Variants in C18orf32 observed in about 807,000 individuals in gnomAD.
The protein encoded by C18orf32 is chromosome 18 open reading frame 32.
A neutral mutation model predicts 7.4 loss-of-function variants in C18orf32; 5 were observed. The observed-to-expected ratio is 0.68, with a 90% CI of 0.35 to 1.42. The LOEUF is 1.42. C18orf32 is among the 40% of genes most tolerant of loss of function. The pLI, the probability that C18orf32 is intolerant of heterozygous loss-of-function variation, is 0.04. For synonymous variants in C18orf32, 30 were observed against 29.3 expected, an observed-to-expected ratio of 1.02 and a Z score of -0.08; for missense variants, 88 against 92.4, an observed-to-expected ratio of 0.95 and a Z score of 0.19.
intron 1 of C18orf32, among the ~76,000 whole-genome samples, chr18:49,484,080 G>A (rs2083701511): frequency 6.8e-6 from 1 of 147,876 alleles, no homozygotes. Context: ...AGTGAGCCGT[G>A]TTCATGCCAC....
rs1304319698 is a variant in C18orf32, at chr18:49,479,561, C to T, written c.*2784G>A. The stretch of plus-strand genomic sequence containing the variant: ...CCAGAGCCAGTAACAGAAATACCAC[C>T]ACCCCTGGGCCCAAAAGGGCAGGGT... On this transcript the variant is annotated 3_prime_UTR_variant, in exon 3 of 3. Coordinates refer to ENST00000318240, the MANE Select transcript of C18orf32 (RefSeq NM_001035005.4). 1 of 152,416 alleles carries T rather than the reference C, an allele frequency of 6.6e-6. No individual in the cohort carries two copies. The highest frequency in any genetic ancestry group is 1.5e-5 in the Non-Finnish European group (1 of 68,210). The allele number at this position is 152,416 out of a possible 1,614,324, so 9.4% of individuals were successfully genotyped here.
intron 1 of C18orf32, chr18:49,484,608 G>A (rs1482372982): frequency 6.6e-6 from 1 of 151,828 alleles, no homozygotes; most frequent in African/African-American, 2.4e-5. Flanking sequence ...AATAATAGGT[G>A]GTAGGCATGA....
chr18:49,483,432 T>C, intron 2 of C18orf32, 152 bp downstream of exon 2: 1 of 998,346 alleles, frequency 1.0e-6, no homozygotes, highest in Non-Finnish European at 1.5e-6. Flanking sequence ...AATGCATTAA[T>C]CAGAGGCCTA....
rs1345172526 is a variant in C18orf32, at chr18:49,479,096, G to C, written c.*3249C>G. The C allele has an allele frequency of 6.6e-6, 1 of 152,154 alleles. No homozygotes were observed. Among genetic ancestry groups the C allele is most frequent in the African/African-American group, 2.4e-5 (1 of 41,428 alleles). The allele number at this position is 152,154 out of a possible 1,614,324, so 9.4% of individuals were successfully genotyped here. ...TGGGAACCAGTGTTCTAGAGAGGGA[G>C]ACTTGTTAGAAATGAGAAAGGCCTT... On this transcript the variant is annotated 3_prime_UTR_variant, in exon 3 of 3. Transcript: ENST00000318240.
Position 49,484,159 on chromosome 18 carries a change from T to C in C18orf32, c.-23-388A>G, listed in dbSNP as rs1476005520. 7.0e-3 allele frequency among the ~76,000 whole-genome samples: 349 copies of C among 49,680 alleles called. 5 individuals are homozygous for C. The highest frequency in any genetic ancestry group is 0.043 in the East Asian group (86 of 2,018). 32.6% of individuals were successfully genotyped at this position (49,680 alleles called of 152,430 possible). A position where few individuals can be genotyped will look rare whatever the true frequency, so the allele number is the denominator to read the frequency against. Reference sequence around the variant, plus strand: ...AAGAAAAAAAAAAAATATATATATATATATATATACACACACACACACACA... The same window carrying C: ...AAGAAAAAAAAAAAATATATATATACATATATATACACACACACACACACA... On this transcript the variant is annotated intron_variant, in intron 1 of 2. Coordinates refer to ENST00000318240, the MANE Select transcript of C18orf32 (RefSeq NM_001035005.4).
chr18:49,477,864 A>G lies in C18orf32; in HGVS notation c.*4481T>C, dbSNP rs910064671. 1.0e-4 allele frequency: 11 copies of G among 109,354 alleles called. No individual in the cohort carries two copies. Among genetic ancestry groups the G allele is most frequent in the African/African-American group, 4.6e-4 (11 of 24,090 alleles). The allele number at this position is 109,354 out of a possible 1,614,324, so 6.8% of individuals were successfully genotyped here. A position where few individuals can be genotyped will look rare whatever the true frequency, so the allele number is the denominator to read the frequency against. ...ATATATATACACACACTATATATAT[A>G]CACACTATATATATACACTATATAT... On this transcript the variant is annotated 3_prime_UTR_variant, in exon 3 of 3. Transcript: ENST00000318240.
intron 2 of C18orf32, among the ~76,000 whole-genome samples, chr18:49,483,160 C>T (rs567258329): frequency 2.0e-5 from 3 of 152,216 alleles, no homozygotes; most frequent in East Asian, 1.9e-4. Context: ...CTTCCAGAAA[C>T]GGGCCGGATG....
rs1256533412 is a variant in C18orf32 at position 49,484,148 on chromosome 18, ATATAT to A, written c.-23-382_-23-378del. On this transcript the variant is annotated intron_variant, in intron 1 of 2. Transcript: ENST00000318240. The stretch of plus-strand genomic sequence containing the variant: ...TGTCTCAAAAAAAGAAAAAAAAAAA[ATATAT>A]ATATATATATATATACACACACACA... Among the ~76,000 whole-genome samples the A allele has an allele frequency of 2.3e-3, 247 of 106,292 alleles. 2 individuals are homozygous for A. The highest frequency in any genetic ancestry group is 0.017 in the East Asian group (63 of 3,664). The allele number at this position is 106,292 out of a possible 152,430, so 69.7% of individuals were successfully genotyped here. A position where few individuals can be genotyped will look rare whatever the true frequency, so the allele number is the denominator to read the frequency against.
Position 49,484,167 on chromosome 18 carries a change from TAC to T in C18orf32, c.-23-398_-23-397del, listed in dbSNP as rs72071720. On this transcript the variant is annotated intron_variant, in intron 1 of 2. Transcript: ENST00000318240. ...AAAAAAATATATATATATATATATA[TAC>T]ACACACACACACACACACACACACA... is the stretch of plus-strand genomic sequence containing the variant. Among the ~76,000 whole-genome samples the T allele has an allele frequency of 4.2e-3, 391 of 93,816 alleles. 4 individuals carry two copies. The highest frequency in any genetic ancestry group is 7.0e-3 in the Middle Eastern group (1 of 142). The allele number at this position is 93,816 out of a possible 152,430, so 61.5% of individuals were successfully genotyped here.
At chr18:49,484,201 C>CATACAT (rs56983810) in intron 1 of C18orf32, among the ~76,000 whole-genome samples, 51,244 of 115,158 alleles carry the variant, frequency 0.44, 12,450 homozygotes, top group African/African-American at 0.53. Flanking sequence ...CACACACACA[C>CATACAT]GAAAGGACTA....
rs1413020810 is a variant in C18orf32 at position 49,479,590 on chromosome 18, G to C, written c.*2755C>G. ...CCTGGGCCCAAAAGGGCAGGGTGAA[G>C]GACAGGTTAGGAAAAATAAAAGAAG... On this transcript the variant is annotated 3_prime_UTR_variant, in exon 3 of 3. Transcript: ENST00000318240. 6.6e-6 allele frequency: 1 copy of C among 152,416 alleles called. No homozygotes were observed. The highest frequency in any genetic ancestry group is 2.4e-5 in the African/African-American group (1 of 41,470). 9.4% of individuals were successfully genotyped at this position (152,416 alleles called of 1,614,324 possible).
At chr18:49,483,456 A>T in intron 2 of C18orf32, 128 bp downstream of exon 2, 1 of 1,257,450 alleles carries the variant, frequency 8.0e-7, no homozygotes, top group Non-Finnish European at 1.1e-6. Context: ...TAAAACTTTA[A>T]TTTAAGCCAA....
Sources: gnomAD v4.1 joint callset for allele counts (sites outside exome capture counted in the v4.1 genomes callset) on GRCh38, gnomAD v4.1.1 for gene constraint, MANE v1.5 for transcripts, NCBI Gene and HGNC (gene_info 2026-07-23, HGNC 2026-07-21) for gene names.